Variants in PTPRR observed in about 807,000 individuals in gnomAD.
The protein encoded by PTPRR is protein tyrosine phosphatase receptor type R, also known as receptor-type tyrosine-protein phosphatase R.
PTPRR carries 38 observed loss-of-function variants against 77.2 expected under a neutral mutation model. The observed-to-expected ratio is 0.49, with a 90% CI of 0.38 to 0.65. The LOEUF (loss-of-function observed/expected upper bound fraction) is 0.65. Among genes scored for constraint, PTPRR ranks in the 30% least tolerant of loss-of-function variants. PTPRR has a pLI of 0.00. For synonymous variants in PTPRR, 299 were observed against 283.1 expected (o/e 1.06, Z -0.57); for missense variants, 744 against 799.2 (o/e 0.93, Z 0.83).
chr12:70,831,960 C>A (rs892660033), intron 2 of PTPRR, among the ~76,000 whole-genome samples: 1 of 152,204 alleles, frequency 6.6e-6, no homozygotes, highest in African/African-American at 2.4e-5. Flanking sequence ...TTAATGTTCA[C>A]ATTCTGAAAC....
chr12:70,684,163 C>T lies in PTPRR; in HGVS notation c.1461G>A (p.Val487=), dbSNP rs1887773706. Residue 487 remains valine, a synonymous_variant, in exon 10 of 14, where the codon GTG becomes GTA. Transcript: ENST00000283228. ...CTTTGAGTTTTGTGATCATAACAAT[C>T]ACAGGGCTGTCTTCCTGCCAAACCA... ...WQMVWQEDSP[V]IVMITKLKEK... 1.2e-6 allele frequency: 2 copies of T among 1,613,930 alleles called. No homozygotes were observed. The highest frequency in any genetic ancestry group is 1.7e-6 in the Non-Finnish European group (2 of 1,179,970).
intron 2 of PTPRR, among the ~76,000 whole-genome samples, chr12:70,797,190 A>G (rs568837645): frequency 6.6e-6 from 1 of 152,268 alleles, no homozygotes; most frequent in African/African-American, 2.4e-5. Context: ...GATTCACTCA[A>G]CAAATATTTG....
chr12:70,744,387 T>C (rs1347030402), intron 6 of PTPRR, among the ~76,000 whole-genome samples: 3 of 152,164 alleles, frequency 2.0e-5, no homozygotes, highest in Non-Finnish European at 4.4e-5. Flanking sequence ...GAGACCTACA[T>C]TGCCCATCAA....
chr12:70,743,479 G>T (rs573794276), intron 6 of PTPRR, among the ~76,000 whole-genome samples: 71 of 152,272 alleles, frequency 4.7e-4, no homozygotes, highest in Non-Finnish European at 6.5e-4. Flanking sequence ...ATACAAGAAA[G>T]AACCTATTTG....
chr12:70,654,722 C>A (rs1419848764), intron 13 of PTPRR, among the ~76,000 whole-genome samples: 1 of 152,178 alleles, frequency 6.6e-6, no homozygotes, highest in Non-Finnish European at 1.5e-5. Flanking sequence ...CATATAAATT[C>A]TAAGAGAGCA....
Position 70,783,617 on chromosome 12 carries a change from C to G in PTPRR, c.358-18839G>C, listed in dbSNP as rs376033903. 2.3e-3 allele frequency among the ~76,000 whole-genome samples: 355 copies of G among 152,054 alleles called. 2 individuals carry two copies. The highest frequency in any genetic ancestry group is 8.1e-3 in the African/African-American group (336 of 41,496). ...GTTCATGGGCAGCCATGGGTGGGCC[C>G]AAGAAAAAGCACCATGAGCTCCTGC... On this transcript the variant is annotated intron_variant, in intron 2 of 13. Transcript: ENST00000283228.
intron 6 of PTPRR, among the ~76,000 whole-genome samples, chr12:70,712,022 T>C (rs142286976): frequency 6.6e-6 from 1 of 152,242 alleles, no homozygotes; most frequent in African/African-American, 2.4e-5. Context: ...TTTGGTCAGT[T>C]AGGTGCTTTG....
At chr12:70,773,537 AT>A (rs1891025999) in intron 2 of PTPRR, among the ~76,000 whole-genome samples, 1 of 152,128 alleles carries the variant, frequency 6.6e-6, no homozygotes, top group Admixed American at 6.5e-5. Flanking sequence ...TAGAAGCATA[AT>A]TCTATTCCAG....
intron 2 of PTPRR, among the ~76,000 whole-genome samples, chr12:70,809,728 G>C (rs556068919): frequency 6.6e-6 from 1 of 152,106 alleles, no homozygotes; most frequent in Non-Finnish European, 1.5e-5. Flanking sequence ...TTTGAATACA[G>C]ATCCTCAATA....
intron 2 of PTPRR, among the ~76,000 whole-genome samples, chr12:70,885,045 C>CTTAA (rs1565730135): frequency 2.0e-5 from 3 of 151,812 alleles, no homozygotes; most frequent in Admixed American, 6.6e-5. Flanking sequence ...TTTCACTTTA[C>CTTAA]TTAAGATTTA....
chr12:70,903,438 G>A (rs1893573006), intron 1 of PTPRR, among the ~76,000 whole-genome samples: 1 of 151,672 alleles, frequency 6.6e-6, no homozygotes. Context: ...TTTAAAAAAT[G>A]AATTCAGAGA....
chr12:70,720,129 T>C (rs1268189955), intron 6 of PTPRR, among the ~76,000 whole-genome samples: 1 of 152,192 alleles, frequency 6.6e-6, no homozygotes, highest in East Asian at 1.9e-4. Flanking sequence ...TATAGTCTAA[T>C]TATGAATATG....
At chr12:70,672,156 C>T (rs1200536984) in intron 10 of PTPRR, 27 of 1,491,858 alleles carry the variant, frequency 1.8e-5, no homozygotes, top group Non-Finnish European at 2.5e-5. Flanking sequence ...CTCTCAGTGG[C>T]AAGAAGAGCC....
At chr12:70,681,945 C>T (rs1215707159) in intron 10 of PTPRR, among the ~76,000 whole-genome samples, 1 of 151,590 alleles carries the variant, frequency 6.6e-6, no homozygotes, top group Non-Finnish European at 1.5e-5. Flanking sequence ...CTCAAGAGAG[C>T]CTTTTCGTTT....
At chr12:70,911,703 T>G (rs1592829859) in intron 1 of PTPRR, among the ~76,000 whole-genome samples, 1 of 134,872 alleles carries the variant, frequency 7.4e-6, no homozygotes, top group Non-Finnish European at 1.5e-5. Context: ...ATGGTCAGGC[T>G]CCTGCCTATA....
Position 70,776,067 on chromosome 12 carries a change from C to T in PTPRR, c.358-11289G>A, listed in dbSNP as rs369717039. Among the ~76,000 whole-genome samples the T allele has an allele frequency of 5.1e-4, 77 of 152,218 alleles. No homozygotes were observed. The Middle Eastern group carries it at 0.01, about 20-fold the overall frequency. On this transcript the variant is annotated intron_variant, in intron 2 of 13. Coordinates refer to ENST00000283228, the MANE Select transcript of PTPRR (RefSeq NM_002849.4). ...CACCTGCTTCCCTCTTCCTGAATGT[C>T]CCACTTACACTTCAAACTCAACATT...
intron 2 of PTPRR, among the ~76,000 whole-genome samples, chr12:70,879,883 G>A (rs187813161): frequency 6.6e-6 from 1 of 152,276 alleles, no homozygotes; most frequent in East Asian, 1.9e-4. Flanking sequence ...GAGGAAAAAT[G>A]AGTGAAGAAA....
At chr12:70,890,476 C>G (rs573329478) in intron 2 of PTPRR, among the ~76,000 whole-genome samples, 107 of 152,042 alleles carry the variant, frequency 7.0e-4, no homozygotes, top group African/African-American at 2.5e-3. Flanking sequence ...AAACTCATTG[C>G]CAATGATAGT....
chr12:70,847,459 A>G (rs1892504540), intron 2 of PTPRR, among the ~76,000 whole-genome samples: 1 of 152,142 alleles, frequency 6.6e-6, no homozygotes, highest in African/African-American at 2.4e-5. Context: ...TTCTGCTTGT[A>G]TTATTGCAGG....
Sources: allele counts gnomAD v4.1 joint callset (sites outside exome capture counted in the v4.1 genomes callset), GRCh38; gene constraint gnomAD v4.1.1; transcripts MANE v1.5; gene names NCBI Gene and HGNC (gene_info 2026-07-23, HGNC 2026-07-21).